The following GSE1 variants were observed in gnomAD, a reference collection of about 807,000 sequenced individuals.
GSE1 encodes the protein Gse1 coiled-coil protein.
A neutral mutation model predicts 112.6 loss-of-function variants in GSE1; 32 were observed. That is an observed-to-expected ratio of 0.28 (90% confidence interval 0.21 to 0.38). The LOEUF is 0.38. Among genes scored for constraint, GSE1 ranks in the 10% least tolerant of loss-of-function variants. GSE1 has a pLI of 1.00. For synonymous variants in GSE1, 1,115 were observed against 735.6 expected, an observed-to-expected ratio of 1.52 and a Z score of -8.35; for missense variants, 2,348 against 1,699.2, an observed-to-expected ratio of 1.38 and a Z score of -6.71.
intron 2 of GSE1, among the ~76,000 whole-genome samples, chr16:85,454,026 C>T (rs1013138130): frequency 5.9e-5 from 9 of 152,196 alleles, no homozygotes; most frequent in Middle Eastern, 3.2e-3. Context: ...CCCTGCCCCA[C>T]GGGCATCCAG....
chr16:85,424,252 G>A (rs1243089624), intron 2 of GSE1, among the ~76,000 whole-genome samples: 8 of 152,242 alleles, frequency 5.3e-5, no homozygotes, highest in South Asian at 2.1e-4. Flanking sequence ...CAAAGCCCCC[G>A]CCCCTCCGGT....
chr16:85,573,258 G>C (rs758314067), intron 1 of GSE1, among the ~76,000 whole-genome samples: 2 of 152,122 alleles, frequency 1.3e-5, no homozygotes, highest in African/African-American at 4.8e-5. Flanking sequence ...TCTGAGTAGC[G>C]GTGACTACGG....
At chr16:85,217,417 C>T (rs993150976) in intron 1 of GSE1, among the ~76,000 whole-genome samples, 1 of 152,166 alleles carries the variant, frequency 6.6e-6, no homozygotes, top group Non-Finnish European at 1.5e-5. Flanking sequence ...GCGATCCCTC[C>T]AGAGAACCGT....
At chr16:85,270,364 C>T (rs1055540309) in intron 1 of GSE1, among the ~76,000 whole-genome samples, 3 of 148,798 alleles carry the variant, frequency 2.0e-5, no homozygotes, top group African/African-American at 7.3e-5. Context: ...TTCTTGGTGT[C>T]CTTCTTCTCC....
chr16:85,288,095 C>T (rs1404927673), intron 1 of GSE1, among the ~76,000 whole-genome samples: 1 of 152,072 alleles, frequency 6.6e-6, no homozygotes, highest in Non-Finnish European at 1.5e-5. Flanking sequence ...TAAAAATTAG[C>T]TTGATGTGGT....
At chr16:85,600,068 C>T (rs1462371311) in intron 1 of GSE1, among the ~76,000 whole-genome samples, 1 of 152,196 alleles carries the variant, frequency 6.6e-6, no homozygotes, top group Non-Finnish European at 1.5e-5. Context: ...CCTCCGAGGG[C>T]GGCTGCGGGT....
intron 2 of GSE1, among the ~76,000 whole-genome samples, chr16:85,482,320 G>T (rs560986791): frequency 2.6e-5 from 4 of 152,358 alleles, no homozygotes; most frequent in South Asian, 2.1e-4. Flanking sequence ...TCGCACTTGC[G>T]TGCTTCCTGG....
intron 2 of GSE1, among the ~76,000 whole-genome samples, chr16:85,495,950 C>G (rs934740130): frequency 1.3e-5 from 2 of 152,180 alleles, no homozygotes; most frequent in Non-Finnish European, 1.5e-5. Context: ...GGTGATTCAT[C>G]GAGCATCCCT....
At chr16:85,571,606 G>C (rs1461324783) in intron 1 of GSE1, among the ~76,000 whole-genome samples, 1 of 152,244 alleles carries the variant, frequency 6.6e-6, no homozygotes, top group South Asian at 2.1e-4. Context: ...GAGCCTAGTG[G>C]GGAGGTCTTT....
At chr16:85,299,194 C>T (rs762424848) in intron 1 of GSE1, among the ~76,000 whole-genome samples, 1 of 152,206 alleles carries the variant, frequency 6.6e-6, no homozygotes, top group African/African-American at 2.4e-5. Context: ...TGGGGTTGTC[C>T]TGGCAAGTCT....
Position 85,294,676 on chromosome 16 carries a change from C to A in GSE1, c.2284-62787C>A, listed in dbSNP as rs554379799. ...CTCTCTCTGTCTCTCTCTCTCCCCC[C>A]CCTTCCCTCCCTCCCCACCCCCCAC... On this transcript the variant is annotated intron_variant, in intron 1 of 2. Coordinates refer to the GSE1 transcript ENST00000637419. 3.8e-4 allele frequency among the ~76,000 whole-genome samples: 51 copies of A among 133,748 alleles called. No homozygotes were observed. In the South Asian group the frequency reaches 5.7e-3, roughly 15 times the overall value. 87.7% of individuals were successfully genotyped at this position (133,748 alleles called of 152,430 possible).
chr16:85,304,612 G>GA (rs1238446584), intron 1 of GSE1, among the ~76,000 whole-genome samples: 2 of 133,918 alleles, frequency 1.5e-5, no homozygotes, highest in Admixed American at 7.5e-5. Context: ...GGGGGGGTGG[G>GA]GCATCCCTTT....
At chr16:85,615,843 G>A (rs940553445) in intron 1 of GSE1, among the ~76,000 whole-genome samples, 9 of 152,236 alleles carry the variant, frequency 5.9e-5, no homozygotes, top group African/African-American at 2.2e-4. Context: ...ACCCGGGTCT[G>A]GGGGTTGTCA....
At chr16:85,660,630 C>CT (rs879637645) in intron 8 of GSE1, among the ~76,000 whole-genome samples, 92 of 149,588 alleles carry the variant, frequency 6.2e-4, no homozygotes, top group Non-Finnish European at 1.0e-3. Flanking sequence ...CAGAGTGAGT[C>CT]TTTTTTTTTG....
chr16:85,220,156 T>C (rs2075367066), intron 1 of GSE1, among the ~76,000 whole-genome samples: 1 of 152,290 alleles, frequency 6.6e-6, no homozygotes, highest in Non-Finnish European at 1.5e-5. Context: ...TCCCAAAACA[T>C]TTTCCCCTCT....
At chr16:85,374,504 TATA>T (rs1272473075) in intron 2 of GSE1, among the ~76,000 whole-genome samples, 3 of 145,308 alleles carry the variant, frequency 2.1e-5, no homozygotes, top group East Asian at 4.2e-4. Context: ...GCTCTCAGTG[TATA>T]ATGTGTGTCA....
intron 2 of GSE1, among the ~76,000 whole-genome samples, chr16:85,363,296 C>G (rs1371162590): frequency 6.6e-6 from 1 of 152,222 alleles, no homozygotes; most frequent in Admixed American, 6.5e-5. Flanking sequence ...CCTTGCTTGA[C>G]AGGGGTGCTG....
At chr16:85,585,591 C>G (rs1385791885) in intron 1 of GSE1, among the ~76,000 whole-genome samples, 1 of 152,234 alleles carries the variant, frequency 6.6e-6, no homozygotes, top group Non-Finnish European at 1.5e-5. Context: ...CTTTCCTGCC[C>G]TGTCCCAGCC....
Position 85,246,498 on chromosome 16 carries a change from A to ACCCCCCCC in GSE1, c.2283+74692_2283+74693insCCCCCCCC, listed in dbSNP as rs1567636430. 1.0e-3 allele frequency among the ~76,000 whole-genome samples: 32 copies of ACCCCCCCC among 31,516 alleles called. 1 individual carries two copies. Among genetic ancestry groups the ACCCCCCCC allele is most frequent in the Non-Finnish European group, 1.3e-3 (20 of 15,100 alleles). The allele number at this position is 31,516 out of a possible 152,430, so 20.7% of individuals were successfully genotyped here. A position where few individuals can be genotyped will look rare whatever the true frequency, so the allele number is the denominator to read the frequency against. Reference sequence around the variant, plus strand: ...ACACACACACACACACACACTCTACACACCCCCCCCCCCCCGACGCTGTCT... The same window carrying ACCCCCCCC: ...ACACACACACACACACACACTCTACACCCCCCCCCACCCCCCCCCCCCCGACGCTGTCT... On this transcript the variant is annotated intron_variant, in intron 1 of 2. Transcript: ENST00000637419.
Sources: gnomAD v4.1 joint callset for allele counts (sites outside exome capture counted in the v4.1 genomes callset) on GRCh38, gnomAD v4.1.1 for gene constraint, MANE v1.5 for transcripts, NCBI Gene and HGNC (gene_info 2026-07-23, HGNC 2026-07-21) for gene names.